The following SVEP1 variants were observed in gnomAD, a reference collection of about 807,000 sequenced individuals.
SVEP1 encodes sushi, von Willebrand factor type A, EGF and pentraxin domain containing 1.
Under a neutral mutation model 367.3 loss-of-function variants are expected in SVEP1, and 164 were observed. The observed-to-expected ratio is 0.45, with a 90% confidence interval of 0.39 to 0.51. The LOEUF (loss-of-function observed/expected upper bound fraction) is 0.51, where lower values mean the gene tolerates loss of function less well. Ranked by LOEUF, SVEP1 falls within the 20% of genes least tolerant of loss-of-function variation. The pLI is 0.00. For synonymous variants in SVEP1, 1,666 were observed against 1,611.6 expected, an observed-to-expected ratio of 1.03 and a Z score of -0.81; for missense variants, 4,117 against 4,425.3, an observed-to-expected ratio of 0.93 and a Z score of 1.98.
At chr9:110,549,597 G>T (rs761515973) in intron 2 of SVEP1, among the ~76,000 whole-genome samples, 2 of 152,144 alleles carry the variant, frequency 1.3e-5, no homozygotes, top group Middle Eastern at 3.4e-3. Context: ...TCTAAGGTGG[G>T]AGCATATGGA....
intron 13 of SVEP1, among the ~76,000 whole-genome samples, chr9:110,478,287 C>T (rs1829128408): frequency 6.6e-6 from 1 of 152,170 alleles, no homozygotes; most frequent in Non-Finnish European, 1.5e-5. Context: ...TACATATTTT[C>T]CTTGTAATTT....
Position 110,499,023 on chromosome 9 carries a change from A to G in SVEP1, c.1681+18T>C, listed in dbSNP as rs370379498. ...ATTAAAAAATTTGATTTTTAGCCTG[A>G]CTAGTGTAGAGACCTACCTTTACAC... On this transcript the variant is annotated intron_variant, in intron 7 of 47. Transcript: ENST00000374469. 7.5e-6 allele frequency: 12 copies of G among 1,603,786 alleles called. No individual in the cohort carries two copies. In the African/African-American group the frequency reaches 1.1e-4, roughly 14 times the overall value.
intron 13 of SVEP1, among the ~76,000 whole-genome samples, chr9:110,478,080 C>T (rs997403699): frequency 2.0e-5 from 3 of 152,136 alleles, no homozygotes; most frequent in African/African-American, 4.8e-5. Flanking sequence ...GACATCTTTA[C>T]GGTGGTTCAA....
chr9:110,428,474 A>ATGCTTTTTC (rs1483431848), intron 35 of SVEP1, among the ~76,000 whole-genome samples: 2 of 151,882 alleles, frequency 1.3e-5, no homozygotes, highest in Admixed American at 6.6e-5. Flanking sequence ...TTATCTTGAC[A>ATGCTTTTTC]TGCTTTTTCA....
At chr9:110,474,892 T>C (rs1829075601) in intron 14 of SVEP1, among the ~76,000 whole-genome samples, 1 of 151,884 alleles carries the variant, frequency 6.6e-6, no homozygotes, top group African/African-American at 2.4e-5. Context: ...ATGTCCTCAA[T>C]ACAATGTTAA....
chr9:110,430,032 CT>C, intron 33 of SVEP1, 28 bp from the exon 34 acceptor site: 1 of 1,603,840 alleles, frequency 6.2e-7, no homozygotes. Flanking sequence ...AAACACGTGA[CT>C]TTTTTGAGAC....
At chr9:110,452,210 A>T (rs557019871) in intron 22 of SVEP1, among the ~76,000 whole-genome samples, 1 of 152,352 alleles carries the variant, frequency 6.6e-6, no homozygotes, top group South Asian at 2.1e-4. Context: ...CATACAGACC[A>T]TTATGAACAC....
chr9:110,387,221 G>T, intron 42 of SVEP1, 64 bp downstream of exon 42: 1 of 1,476,300 alleles, frequency 6.8e-7, no homozygotes, highest in South Asian at 1.5e-5. Flanking sequence ...CTATGTTTTG[G>T]ATATGCGGGA....
chr9:110,447,544 C>A (rs1828622037), intron 24 of SVEP1, among the ~76,000 whole-genome samples: 1 of 152,212 alleles, frequency 6.6e-6, no homozygotes, highest in Non-Finnish European at 1.5e-5. Flanking sequence ...TTTTCTTAAT[C>A]AGGATGCTAT....
chr9:110,377,624 TTTTGA>T (rs1169690750), intron 44 of SVEP1, among the ~76,000 whole-genome samples: 4 of 152,208 alleles, frequency 2.6e-5, no homozygotes, highest in Non-Finnish European at 5.9e-5. Context: ...CAACCTGATG[TTTTGA>T]TTTATGTATA....
chr9:110,448,583 A>T (rs1359928787), intron 24 of SVEP1, among the ~76,000 whole-genome samples: 1 of 152,194 alleles, frequency 6.6e-6, no homozygotes, highest in Non-Finnish European at 1.5e-5. Flanking sequence ...GTGTCATTAC[A>T]ACACTATCAT....
intron 1 of SVEP1, among the ~76,000 whole-genome samples, chr9:110,556,425 A>G (rs1830358913): frequency 1.3e-5 from 2 of 152,192 alleles, no homozygotes; most frequent in African/African-American, 4.8e-5. Context: ...CTTAATTGCA[A>G]TTACCCATTG....
In SVEP1 at chr9:110,465,872, T is replaced by C. The variant is rs537175362; in HGVS notation, c.3315A>G (p.Ala1105=). The C allele has an allele frequency of 6.2e-7, 1 of 1,612,810 alleles. No individual in the cohort carries two copies. The highest frequency in any genetic ancestry group is 8.5e-7 in the Non-Finnish European group (1 of 1,179,360). ...TVKRGAVNIS[A]CGVPCPEGKF... ...GTCTAAGGCTTTGATAACCTCCACA[T>C]GCAGAAATGTTCACGGCTCCTCTTT... The change falls in exon 18 of 48, where the codon GCA becomes GCG. Residue 1105 remains alanine, a synonymous_variant. Coordinates refer to ENST00000374469, the MANE Select transcript of SVEP1 (RefSeq NM_153366.4).
chr9:110,411,940 CAT>C (rs1828050799), intron 36 of SVEP1, among the ~76,000 whole-genome samples: 1 of 152,130 alleles, frequency 6.6e-6, no homozygotes, highest in African/African-American at 2.4e-5. Context: ...TGTTCAGAAA[CAT>C]GTATTTAAAT....
At chr9:110,509,059 A>G (rs12378907) in intron 5 of SVEP1, among the ~76,000 whole-genome samples, 144 of 152,326 alleles carry the variant, frequency 9.5e-4, no homozygotes, top group Non-Finnish European at 1.9e-3. Flanking sequence ...CTTTCTCCAT[A>G]CTACCCACCA....
intron 2 of SVEP1, among the ~76,000 whole-genome samples, chr9:110,547,511 G>C (rs1830234972): frequency 6.6e-6 from 1 of 152,152 alleles, no homozygotes; most frequent in South Asian, 2.1e-4. Flanking sequence ...GGAGGTGGAG[G>C]CTGCAGCGAG....
chr9:110,391,616 C>CAGGATG (rs1827656870), intron 40 of SVEP1, among the ~76,000 whole-genome samples: 1 of 152,020 alleles, frequency 6.6e-6, no homozygotes, highest in Non-Finnish European at 1.5e-5. Flanking sequence ...GATAATTAAC[C>CAGGATG]TTTAAACTTT....
chr9:110,552,024 CTTTTTTTTTTT>C (rs34366561), intron 1 of SVEP1, among the ~76,000 whole-genome samples: 6 of 77,006 alleles, frequency 7.8e-5, no homozygotes, highest in African/African-American at 3.0e-4. Flanking sequence ...GGTACCCAAC[CTTTTTTTTTTT>C]TTTTTTTTTT....
At chr9:110,492,699 G>A (rs1194533264) in intron 8 of SVEP1, among the ~76,000 whole-genome samples, 3 of 152,034 alleles carry the variant, frequency 2.0e-5, no homozygotes, top group East Asian at 1.9e-4. Context: ...CAAGGAATGG[G>A]GAGGAATACT....
Sources: gnomAD v4.1 joint callset for allele counts (sites outside exome capture counted in the v4.1 genomes callset) on GRCh38, gnomAD v4.1.1 for gene constraint, MANE v1.5 for transcripts, NCBI Gene and HGNC (gene_info 2026-07-23, HGNC 2026-07-21) for gene names.